The following MDGA2 variants were observed in gnomAD, a reference collection of about 807,000 sequenced individuals.
The protein encoded by MDGA2 is MAM domain containing glycosylphosphatidylinositol anchor 2.
A neutral mutation model predicts 117.8 loss-of-function variants in MDGA2; 40 were observed. The observed-to-expected ratio is 0.34, with a 90% CI of 0.26 to 0.44. The LOEUF is 0.44. MDGA2 is among the 20% of genes least tolerant of loss of function. The pLI is 1.00. For missense variants in MDGA2, 1,123 were observed against 1,250.6 expected, an observed-to-expected ratio of 0.90 and a Z score of 1.54; for synonymous variants, 452 against 439.0, an observed-to-expected ratio of 1.03 and a Z score of -0.37.
At chr14:47,193,928 T>G (rs2139415948) in intron 3 of MDGA2, among the ~76,000 whole-genome samples, 1 of 152,318 alleles carries the variant, frequency 6.6e-6, no homozygotes, top group African/African-American at 2.4e-5. Flanking sequence ...GTATAGTTAT[T>G]AAATGGTCAG....
intron 1 of MDGA2, among the ~76,000 whole-genome samples, chr14:47,351,902 AAC>A (rs35860893): frequency 0.012 from 1,780 of 148,474 alleles, 19 homozygotes; most frequent in South Asian, 0.027. Flanking sequence ...CTCTAAATTA[AAC>A]ACACACACAC....
chr14:47,374,978 T>C (rs1891444317), intron 1 of MDGA2, among the ~76,000 whole-genome samples: 2 of 152,052 alleles, frequency 1.3e-5, no homozygotes, highest in African/African-American at 4.8e-5. Flanking sequence ...TGTGTTATAG[T>C]GGTAAGAGCT....
intron 8 of MDGA2, among the ~76,000 whole-genome samples, chr14:47,027,457 A>G (rs1382204762): frequency 2.6e-5 from 4 of 151,882 alleles, no homozygotes; most frequent in Non-Finnish European, 5.9e-5. Context: ...TAATACATAC[A>G]CTTTATCTAA....
intron 6 of MDGA2, among the ~76,000 whole-genome samples, chr14:47,090,784 G>T (rs1270975293): frequency 6.6e-6 from 1 of 152,154 alleles, no homozygotes; most frequent in African/African-American, 2.4e-5. Flanking sequence ...GCCATGAGAA[G>T]AAATCATGTA....
intron 3 of MDGA2, among the ~76,000 whole-genome samples, chr14:47,148,356 T>C (rs146409201): frequency 2.0e-5 from 3 of 152,262 alleles, no homozygotes; most frequent in African/African-American, 7.2e-5. Context: ...TGGTATTCTA[T>C]AAGGAGAAAA....
intron 1 of MDGA2, among the ~76,000 whole-genome samples, chr14:47,462,225 A>C (rs1470138500): frequency 6.6e-6 from 1 of 151,962 alleles, no homozygotes; most frequent in Non-Finnish European, 1.5e-5. Flanking sequence ...AAATACAAAA[A>C]ATTAGCTGGG....
intron 8 of MDGA2, among the ~76,000 whole-genome samples, chr14:46,979,202 A>T (rs771189904): frequency 5.3e-5 from 8 of 151,924 alleles, no homozygotes; most frequent in Non-Finnish European, 1.2e-4. Context: ...ATTGTTTTGG[A>T]ATACCGGGAA....
intron 1 of MDGA2, among the ~76,000 whole-genome samples, chr14:47,574,757 T>G (rs1896085613): frequency 6.6e-6 from 1 of 152,316 alleles, no homozygotes; most frequent in East Asian, 1.9e-4. Flanking sequence ...TGTAAGGTAG[T>G]TGCTACTGTT....
chr14:47,355,656 T>C (rs1369235741), intron 1 of MDGA2, among the ~76,000 whole-genome samples: 1 of 151,920 alleles, frequency 6.6e-6, no homozygotes, highest in Non-Finnish European at 1.5e-5. Context: ...TGAGGAGGAC[T>C]TCCTCTGCTC....
intron 7 of MDGA2, among the ~76,000 whole-genome samples, chr14:47,053,389 A>G (rs939689556): frequency 2.1e-4 from 32 of 151,694 alleles, no homozygotes; most frequent in Non-Finnish European, 4.4e-5. Context: ...ATGTTTCACC[A>G]TCCCTTCAGC....
intron 1 of MDGA2, among the ~76,000 whole-genome samples, chr14:47,575,239 G>GA (rs1455726773): frequency 6.6e-6 from 1 of 151,988 alleles, no homozygotes; most frequent in Non-Finnish European, 1.5e-5. Flanking sequence ...TTGAAAAACA[G>GA]AAAAAAATCA....
intron 1 of MDGA2, among the ~76,000 whole-genome samples, chr14:47,613,181 G>A (rs1234773218): frequency 6.6e-6 from 1 of 152,028 alleles, no homozygotes; most frequent in South Asian, 2.1e-4. Flanking sequence ...GAGACCTTAG[G>A]GTATAAATAA....
intron 8 of MDGA2, among the ~76,000 whole-genome samples, chr14:46,966,595 C>G (rs1305207868): frequency 6.6e-6 from 1 of 152,014 alleles, no homozygotes; most frequent in Non-Finnish European, 1.5e-5. Flanking sequence ...TGGCAATGTA[C>G]TTCATGTAAA....
chr14:47,232,652 A>G lies in MDGA2; in HGVS notation c.421-14457T>C, dbSNP rs76557142. 4.6e-5 allele frequency among the ~76,000 whole-genome samples: 7 copies of G among 152,152 alleles called. No homozygotes were observed. In the East Asian group the frequency reaches 1.4e-3, roughly 29 times the overall value. ...CCACCTCTACAGCCCCCACTCTCCA[A>G]AAGTATGCTCCCTCCAGGGAATTAC... On this transcript the variant is annotated intron_variant, in intron 2 of 16. Transcript: ENST00000399232.
intron 6 of MDGA2, among the ~76,000 whole-genome samples, chr14:47,069,304 T>C (rs1890194824): frequency 6.6e-6 from 1 of 152,234 alleles, no homozygotes; most frequent in Admixed American, 6.5e-5. Flanking sequence ...CGTGTCACTT[T>C]ACATTATTGG....
intron 1 of MDGA2, among the ~76,000 whole-genome samples, chr14:47,318,332 T>G: frequency 6.6e-6 from 1 of 152,170 alleles, no homozygotes; most frequent in East Asian, 1.9e-4. Context: ...TCTTTCTAAC[T>G]TGCTCTGTTT....
intron 6 of MDGA2, among the ~76,000 whole-genome samples, chr14:47,076,105 T>G (rs1890481343): frequency 6.6e-6 from 1 of 152,130 alleles, no homozygotes; most frequent in South Asian, 2.1e-4. Flanking sequence ...TTAATCCTTC[T>G]TATACAAATG....
intron 1 of MDGA2, among the ~76,000 whole-genome samples, chr14:47,376,243 A>G (rs1341274086): frequency 3.3e-5 from 5 of 152,172 alleles, no homozygotes; most frequent in African/African-American, 1.2e-4. Context: ...GAGTTACTGC[A>G]AAACAGTGTG....
intron 7 of MDGA2, among the ~76,000 whole-genome samples, chr14:47,051,572 G>A (rs1177604473): frequency 6.6e-6 from 1 of 151,740 alleles, no homozygotes; most frequent in East Asian, 1.9e-4. Flanking sequence ...AGATTTGAGG[G>A]GAGAAGTTCT....
Sources: allele counts gnomAD v4.1 joint callset (sites outside exome capture counted in the v4.1 genomes callset), GRCh38; gene constraint gnomAD v4.1.1; transcripts MANE v1.5; gene names NCBI Gene and HGNC (gene_info 2026-07-23, HGNC 2026-07-21).